The following ZNF730 variants were observed in gnomAD, a reference collection of about 807,000 sequenced individuals.
ZNF730 encodes the protein zinc finger protein 730.
In ZNF730, 12 loss-of-function variants were observed where a neutral mutation model predicts 12.6. The ratio of observed to expected loss-of-function variants is 0.95; its 90% CI spans 0.61 to 1.54. The LOEUF (loss-of-function observed/expected upper bound fraction) is 1.54. Among genes scored for constraint, ZNF730 ranks in the 40% most tolerant of loss-of-function variants. The probability of loss-of-function intolerance (pLI) is 0.00; values close to 1 mark genes in which losing one functional copy is unlikely to be tolerated. For missense variants in ZNF730, 643 were observed against 583.5 expected, an observed-to-expected ratio of 1.10 and a Z score of -1.05; for synonymous variants, 194 against 195.8, an observed-to-expected ratio of 0.99 and a Z score of 0.08.
Position 23,135,933 on chromosome 19 carries a change from T to C in ZNF730, c.131-15T>C, listed in dbSNP as rs775401575. ...GAGAATATGAGCAAGATTCATGTTA[T>C]TTTTCATAAAACAGGTATTGCTGTC... On this transcript the variant is annotated splice_polypyrimidine_tract_variant and intron_variant, in intron 2 of 3. Coordinates refer to ENST00000597761, the MANE Select transcript of ZNF730 (RefSeq NM_001277403.2). The C allele has an allele frequency of 6.2e-7, 1 of 1,602,430 alleles. No homozygotes were observed. The highest frequency in any genetic ancestry group is 1.1e-5 in the South Asian group (1 of 90,596).
upstream of ZNF730, among the ~76,000 whole-genome samples, chr19:23,112,692 C>G (rs1197953922): frequency 6.6e-6 from 1 of 151,250 alleles, no homozygotes; most frequent in African/African-American, 2.4e-5. Context: ...CACTACCCTC[C>G]AGGCTGGGCT....
At chr19:23,127,008 C>T (rs987680955) in intron 1 of ZNF730, 4 of 506,854 alleles carry the variant, frequency 7.9e-6, no homozygotes, top group African/African-American at 3.9e-5. Flanking sequence ...AAAAAACTTG[C>T]GTATATCTGT....
At chr19:23,117,331 C>T (rs910789165) in intron 1 of ZNF730, among the ~76,000 whole-genome samples, 155 bp downstream of exon 1, 1 of 152,182 alleles carries the variant, frequency 6.6e-6, no homozygotes, top group East Asian at 1.9e-4. Flanking sequence ...TTCAGCCATA[C>T]GATGGCGGCC....
intron 3 of ZNF730, among the ~76,000 whole-genome samples, chr19:23,144,805 C>G (rs1970979943): frequency 6.6e-6 from 1 of 151,778 alleles, no homozygotes; most frequent in African/African-American, 2.4e-5. Flanking sequence ...TCAGCAGGCT[C>G]AAATTGTCAT....
At chr19:23,094,433 AGGTAGGTAGGT>A (rs1188820037) in intron 1 of ZNF730, among the ~76,000 whole-genome samples, 7 of 151,282 alleles carry the variant, frequency 4.6e-5, no homozygotes, top group Non-Finnish European at 1.0e-4. Context: ...ATAGATAGGT[AGGTAGGTAGGT>A]GGTAGGTAGG....
chr19:23,121,684 T>G (rs1328396556), intron 1 of ZNF730, among the ~76,000 whole-genome samples: 1 of 152,150 alleles, frequency 6.6e-6, no homozygotes, highest in Non-Finnish European at 1.5e-5. Context: ...TAATAACATA[T>G]TTTTTCTGTC....
At chr19:23,075,739 TA>T in intron 1 of ZNF730, among the ~76,000 whole-genome samples, 1 of 152,094 alleles carries the variant, frequency 6.6e-6, no homozygotes, top group South Asian at 2.1e-4. Flanking sequence ...GCTTTCCTGT[TA>T]TTTTTTTTTT....
chr19:23,119,719 A>G (rs1396858034), intron 1 of ZNF730, among the ~76,000 whole-genome samples: 1 of 152,128 alleles, frequency 6.6e-6, no homozygotes, highest in African/African-American at 2.4e-5. Context: ...CGGGAGGCTG[A>G]GGTAGGAGAA....
At chr19:23,079,961 T>C (rs1311569321) in intron 1 of ZNF730, among the ~76,000 whole-genome samples, 2 of 152,176 alleles carry the variant, frequency 1.3e-5, no homozygotes, top group South Asian at 2.1e-4. Flanking sequence ...ATTTATTTAT[T>C]TGGAGTCGAA....
chr19:23,107,568 G>A (rs1282322991), intron 1 of ZNF730, among the ~76,000 whole-genome samples: 1 of 149,722 alleles, frequency 6.7e-6, no homozygotes, highest in African/African-American at 2.5e-5. Context: ...AGCTCAAGCA[G>A]TTTGTCCCTT....
chr19:23,096,856 G>C (rs1970259868), intron 1 of ZNF730, among the ~76,000 whole-genome samples: 1 of 152,218 alleles, frequency 6.6e-6, no homozygotes, highest in Non-Finnish European at 1.5e-5. Context: ...TGCGTACAGT[G>C]TGTATTGTGA....
intron 1 of ZNF730, among the ~76,000 whole-genome samples, chr19:23,125,421 T>C (rs1031260937): frequency 6.6e-6 from 1 of 152,194 alleles, no homozygotes; most frequent in Non-Finnish European, 1.5e-5. Flanking sequence ...AAGATGCTGA[T>C]AATGATATAG....
chr19:23,104,195 G>C (rs534925540), intron 1 of ZNF730, among the ~76,000 whole-genome samples: 2 of 151,614 alleles, frequency 1.3e-5, no homozygotes, highest in Non-Finnish European at 2.9e-5. Flanking sequence ...TCAGCTACTC[G>C]GGAGGCTGAG....
chr19:23,123,593 A>AT (rs2145616854), intron 1 of ZNF730: 1 of 151,630 alleles, frequency 6.6e-6, no homozygotes, highest in South Asian at 2.1e-4. Context: ...AAAAAAAAAA[A>AT]GAAACCTTAT....
chr19:23,104,656 AGCAACAGGAT>A (rs895519552), intron 1 of ZNF730, among the ~76,000 whole-genome samples: 21 of 152,202 alleles, frequency 1.4e-4, no homozygotes, highest in African/African-American at 5.1e-4. Context: ...CATTTTCTTT[AGCAACAGGAT>A]GCAACTGGAG....
intron 1 of ZNF730, among the ~76,000 whole-genome samples, chr19:23,078,946 A>G (rs1969915440): frequency 6.6e-6 from 1 of 151,934 alleles, no homozygotes; most frequent in Admixed American, 6.6e-5. Flanking sequence ...CTGGGATTAC[A>G]GGCATGTGCC....
chr19:23,100,752 T>A (rs1486653177), intron 1 of ZNF730, among the ~76,000 whole-genome samples: 1 of 145,034 alleles, frequency 6.9e-6, no homozygotes, highest in Non-Finnish European at 1.5e-5. Context: ...GCCTCCTGGG[T>A]TCAAGCGATT....
chr19:23,136,483 C>A (rs528369280), intron 3 of ZNF730, among the ~76,000 whole-genome samples: 1 of 152,248 alleles, frequency 6.6e-6, no homozygotes, highest in East Asian at 1.9e-4. Context: ...CGGCTCACTG[C>A]AACCTCTGTC....
intron 1 of ZNF730, among the ~76,000 whole-genome samples, chr19:23,106,815 G>A (rs900324863): frequency 1.3e-5 from 2 of 151,358 alleles, no homozygotes; most frequent in Non-Finnish European, 2.9e-5. Context: ...AAAAAGGTTG[G>A]AATGAAAGGT....
Sources: allele counts gnomAD v4.1 joint callset (sites outside exome capture counted in the v4.1 genomes callset), GRCh38; gene constraint gnomAD v4.1.1; transcripts MANE v1.5; gene names NCBI Gene and HGNC (gene_info 2026-07-23, HGNC 2026-07-21).